The following INPP4A variants were observed in gnomAD, a reference collection of about 807,000 sequenced individuals.
INPP4A encodes inositol polyphosphate-4-phosphatase, type I, 107kD.
INPP4A carries 33 observed loss-of-function variants against 119.8 expected under a neutral mutation model. That is an observed-to-expected ratio of 0.28 (90% CI 0.21 to 0.37). The LOEUF is 0.37. Among genes scored for constraint, INPP4A ranks in the 10% least tolerant of loss-of-function variants. The pLI is 1.00. For synonymous variants in INPP4A, 496 were observed against 500.7 expected (o/e 0.99, Z 0.12); for missense variants, 956 against 1,289.9 (o/e 0.74, Z 3.97).
chr2:98,529,667 C>G (rs935283126), intron 4 of INPP4A, among the ~76,000 whole-genome samples: 5 of 152,044 alleles, frequency 3.3e-5, no homozygotes, highest in African/African-American at 1.2e-4. Flanking sequence ...ACCCGGGAGG[C>G]AGAGCTTGCA....
chr2:98,508,052 A>T (rs1574819035), intron 1 of INPP4A, among the ~76,000 whole-genome samples: 1 of 152,206 alleles, frequency 6.6e-6, no homozygotes, highest in South Asian at 2.1e-4. Flanking sequence ...TGTGGCTGGG[A>T]TGTGGGCCGC....
At chr2:98,542,251 G>A (rs986618894) in intron 10 of INPP4A, among the ~76,000 whole-genome samples, 5 of 152,250 alleles carry the variant, frequency 3.3e-5, no homozygotes, top group Admixed American at 6.5e-5. Context: ...CCATGGGGCC[G>A]GCTGGCCACG....
At chr2:98,491,266 C>A (rs1054581326) in intron 1 of INPP4A, among the ~76,000 whole-genome samples, 8 of 152,212 alleles carry the variant, frequency 5.3e-5, no homozygotes, top group African/African-American at 1.9e-4. Context: ...AACCACTTCC[C>A]TGAAAGCATG....
intron 1 of INPP4A, among the ~76,000 whole-genome samples, chr2:98,468,335 A>T (rs1231051736): frequency 6.6e-6 from 1 of 152,186 alleles, no homozygotes; most frequent in Non-Finnish European, 1.5e-5. Flanking sequence ...TCCTGGACTT[A>T]AGTGATCCTC....
intron 1 of INPP4A, among the ~76,000 whole-genome samples, chr2:98,447,583 T>C (rs953937202): frequency 6.6e-6 from 1 of 152,192 alleles, no homozygotes; most frequent in Non-Finnish European, 1.5e-5. Flanking sequence ...AGTTTCAGAC[T>C]TACAGAAAAG....
At chr2:98,488,361 C>T (rs1477345765) in intron 1 of INPP4A, among the ~76,000 whole-genome samples, 1 of 152,158 alleles carries the variant, frequency 6.6e-6, no homozygotes, top group African/African-American at 2.4e-5. Flanking sequence ...TGAGCAAAAG[C>T]AAAGCATCCA....
At chr2:98,470,250 G>T (rs141102723) in intron 1 of INPP4A, among the ~76,000 whole-genome samples, 1 of 152,232 alleles carries the variant, frequency 6.6e-6, no homozygotes, top group East Asian at 1.9e-4. Flanking sequence ...CTGGGGAGCG[G>T]CCCCTGGATT....
chr2:98,530,384 C>T (rs963288677), intron 4 of INPP4A, among the ~76,000 whole-genome samples: 16 of 151,994 alleles, frequency 1.1e-4, no homozygotes, highest in Admixed American at 3.9e-4. Context: ...GTGCTTTAGA[C>T]AGTGTCTCAG....
At chr2:98,553,957 G>A (rs528434050) in intron 14 of INPP4A, among the ~76,000 whole-genome samples, 1 of 152,326 alleles carries the variant, frequency 6.6e-6, no homozygotes, top group South Asian at 2.1e-4. Flanking sequence ...TGGGGCAGTG[G>A]GCTCTCTCTG....
At chr2:98,506,910 A>G (rs1340646657) in intron 1 of INPP4A, among the ~76,000 whole-genome samples, 1 of 152,236 alleles carries the variant, frequency 6.6e-6, no homozygotes, top group African/African-American at 2.4e-5. Context: ...CAAGCCCTAA[A>G]GCTGCGTTTG....
chr2:98,479,511 C>G (rs149665543), intron 1 of INPP4A, among the ~76,000 whole-genome samples: 12 of 152,248 alleles, frequency 7.9e-5, no homozygotes, highest in African/African-American at 2.4e-4. Flanking sequence ...AGTTTTGACC[C>G]TACTATTTAT....
rs1698079143 is a variant in INPP4A, at chr2:98,574,520, C to A, written c.2631+1593C>A. On this transcript the variant is annotated intron_variant, in intron 23 of 24. Transcript: ENST00000409851. ...AGGCGTGGTGACGCATGCCTGTAAT[C>A]CCAGCTACTCGGGCGGCTGAGGTAG... Among the ~76,000 whole-genome samples, 4 of 152,118 alleles carry A rather than the reference C, an allele frequency of 2.6e-5. No homozygotes were observed. In the South Asian group the frequency reaches 8.3e-4, roughly 32 times the overall value.
intron 5 of INPP4A, among the ~76,000 whole-genome samples, 159 bp downstream of exon 5, chr2:98,533,654 A>ACAT (rs1367026811): frequency 1.3e-5 from 2 of 152,198 alleles, no homozygotes; most frequent in Non-Finnish European, 2.9e-5. Context: ...ATTTTTCATC[A>ACAT]CATTTACTCA....
chr2:98,477,813 C>T (rs898136460), intron 1 of INPP4A, among the ~76,000 whole-genome samples: 1 of 152,210 alleles, frequency 6.6e-6, no homozygotes, highest in African/African-American at 2.4e-5. Flanking sequence ...GGAGGAGAGG[C>T]TAAGGGCCCC....
chr2:98,537,928 A>G lies in INPP4A; in HGVS notation c.533A>G (p.Asp178Gly). 1 of 1,613,216 alleles carries G rather than the reference A, an allele frequency of 6.2e-7. No individual in the cohort carries two copies. The highest frequency in any genetic ancestry group is 8.5e-7 in the Non-Finnish European group (1 of 1,179,574). Residue 178 changes from aspartate to glycine, a missense_variant, in exon 8 of 25, where the codon GAC becomes GGC. By Grantham distance (94) the Asp-to-Gly change is moderately conservative. This residue lies in a region of INPP4A where 652 missense variants were observed against 797.9 expected (regional missense o/e 0.82). Transcript: ENST00000409851. ...GGCTGGCAGATGGAGGAGAAGTCAG[A>G]CCAACGGCCCCCTGTGACCCGGTCT... ...VIGWQMEEKS[D>G]QRPPVTRSVD...
chr2:98,563,088 A>G (rs750569757), intron 17 of INPP4A, among the ~76,000 whole-genome samples: 2 of 152,168 alleles, frequency 1.3e-5, no homozygotes, highest in Non-Finnish European at 2.9e-5. Context: ...GAGGTGCTAC[A>G]GGGCTGTGGA....
chr2:98,583,799 G>C (rs1699651703), intron 24 of INPP4A, among the ~76,000 whole-genome samples: 1 of 152,108 alleles, frequency 6.6e-6, no homozygotes, highest in African/African-American at 2.4e-5. Context: ...CCTTACCCCG[G>C]GCTTTTTCTC....
At chr2:98,472,165 A>G (rs960717235) in intron 1 of INPP4A, among the ~76,000 whole-genome samples, 3 of 152,154 alleles carry the variant, frequency 2.0e-5, no homozygotes, top group South Asian at 2.1e-4. Context: ...TATGGTCCAC[A>G]TGGGTGGAGA....
intron 1 of INPP4A, among the ~76,000 whole-genome samples, chr2:98,490,466 T>C (rs550063635): frequency 3.3e-5 from 5 of 152,166 alleles, no homozygotes; most frequent in South Asian, 2.1e-4. Flanking sequence ...GTCTCCTCCA[T>C]TGGGCCTCAC....
Sources: gnomAD v4.1 joint callset for allele counts (sites outside exome capture counted in the v4.1 genomes callset) on GRCh38, gnomAD v4.1.1 for gene constraint, gnomAD v4.1.1 regional missense constraint, MANE v1.5 for transcripts, NCBI Gene and HGNC (gene_info 2026-07-23, HGNC 2026-07-21) for gene names.